USP14: variants seen among roughly 807,000 people sequenced by gnomAD.
The protein encoded by USP14 is ubiquitin carboxyl-terminal hydrolase 14.
In USP14, 38 loss-of-function variants were observed where a neutral mutation model predicts 76.5. The observed-to-expected ratio is 0.50, with a 90% CI of 0.38 to 0.65. The LOEUF (loss-of-function observed/expected upper bound fraction) is 0.65. Ranked by LOEUF, USP14 falls within the 30% of genes least tolerant of loss-of-function variation. The pLI, the probability that USP14 is intolerant of heterozygous loss-of-function variation, is 0.00. For missense variants in USP14, 467 were observed against 586.5 expected, an observed-to-expected ratio of 0.80 and a Z score of 2.10; for synonymous variants, 192 against 191.7, an observed-to-expected ratio of 1.00 and a Z score of -0.01.
intron 15 of USP14, among the ~76,000 whole-genome samples, chr18:210,696 T>G (rs1442665151): frequency 6.6e-6 from 1 of 152,168 alleles, no homozygotes; most frequent in Non-Finnish European, 1.5e-5. Context: ...GAAAGTTAGT[T>G]TTAAAAATGA....
At chr18:195,424 T>A (rs750662148) in intron 6 of USP14, among the ~76,000 whole-genome samples, 3 of 152,136 alleles carry the variant, frequency 2.0e-5, no homozygotes, top group African/African-American at 7.2e-5. Context: ...TAGGTGACAT[T>A]TCACATCTTG....
chr18:192,808 A>C, intron 5 of USP14, 34 bp from the exon 6 acceptor site: 1 of 1,606,476 alleles, frequency 6.2e-7, no homozygotes, highest in Non-Finnish European at 8.5e-7. Flanking sequence ...AATGAATTGA[A>C]TTCTATTGTT....
chr18:162,386 A>T (rs1909145811), intron 1 of USP14, among the ~76,000 whole-genome samples: 1 of 152,236 alleles, frequency 6.6e-6, no homozygotes, highest in African/African-American at 2.4e-5. Context: ...TAAAAAGAAT[A>T]GCCATTCTAA....
chr18:166,963 G>A (rs569642145), intron 3 of USP14, 144 bp downstream of exon 3: 7 of 674,954 alleles, frequency 1.0e-5, no homozygotes, highest in Non-Finnish European at 1.6e-5. Context: ...CCATTGACTT[G>A]TGTTGGGCTC....
intron 2 of USP14, 65 bp from the exon 3 acceptor site, chr18:166,722 G>C: frequency 2.1e-6 from 3 of 1,444,824 alleles, no homozygotes; most frequent in Non-Finnish European, 2.9e-6. Flanking sequence ...AAAATAAATT[G>C]ATTATTAGAT....
At chr18:204,743 G>A in intron 13 of USP14, 51 bp downstream of exon 13, 2 of 1,582,792 alleles carry the variant, frequency 1.3e-6, no homozygotes, top group Non-Finnish European at 1.7e-6. Context: ...TCTCCCATCA[G>A]TGCTCAGCAA....
chr18:185,706 T>C (rs1909910302), intron 5 of USP14, among the ~76,000 whole-genome samples: 1 of 152,050 alleles, frequency 6.6e-6, no homozygotes, highest in South Asian at 2.1e-4. Flanking sequence ...TAAATTATTT[T>C]TTATTTTTTG....
At position 211,484 on chromosome 18, in the gene USP14, C is replaced by T; in HGVS notation, c.*200C>T. On this transcript the variant is annotated 3_prime_UTR_variant, in exon 16 of 16. Transcript: ENST00000261601. ...AGAAAATTATCTTTGGATTGTGCTG[C>T]CCTATATAAAGGTGGCAGAAAGACA... is the stretch of plus-strand genomic sequence containing the variant. 1 of 437,632 alleles carries T rather than the reference C, an allele frequency of 2.3e-6. No individual in the cohort carries two copies. The highest frequency in any genetic ancestry group is 3.5e-5 in the East Asian group (1 of 28,254). 27.1% of individuals were successfully genotyped at this position (437,632 alleles called of 1,614,324 possible).
At chr18:178,081 T>G (rs1396945598) in intron 3 of USP14, among the ~76,000 whole-genome samples, 2 of 152,124 alleles carry the variant, frequency 1.3e-5, no homozygotes, top group Non-Finnish European at 2.9e-5. Flanking sequence ...ATGCAAGTGG[T>G]GTGATCACAG....
chr18:202,664 A>G (rs1211180196), intron 10 of USP14, among the ~76,000 whole-genome samples: 2 of 152,194 alleles, frequency 1.3e-5, no homozygotes, highest in Non-Finnish European at 2.9e-5. Flanking sequence ...AATCCACAAC[A>G]ACGTAAATTA....
intron 5 of USP14, among the ~76,000 whole-genome samples, chr18:189,565 C>T (rs1398892596): frequency 6.6e-6 from 1 of 152,070 alleles, no homozygotes; most frequent in Non-Finnish European, 1.5e-5. Context: ...TCACTGCAGC[C>T]TCCGCCTCCT....
Position 213,966 on chromosome 18 carries a change from A to ATAGC in USP14, c.*2685_*2686insCTAG, listed in dbSNP as rs1555603804. ...ACAAACATTTTCTGTAATGGACAAGATAGATAGATTAGATAGATAGATAGA... is the reference window on the plus strand; with the variant it reads ...ACAAACATTTTCTGTAATGGACAAGATAGCTAGATAGATTAGATAGATAGATAGA... On this transcript the variant is annotated 3_prime_UTR_variant, in exon 16 of 16. Coordinates refer to ENST00000261601, the MANE Select transcript of USP14 (RefSeq NM_005151.4). The ATAGC allele has an allele frequency of 2.1e-5, 3 of 141,390 alleles. No individual in the cohort carries two copies. Among genetic ancestry groups the ATAGC allele is most frequent in the African/African-American group, 5.4e-5 (2 of 37,172 alleles). The allele number at this position is 141,390 out of a possible 1,614,324, so 8.8% of individuals were successfully genotyped here.
Position 171,054 on chromosome 18 carries a change from A to G in USP14, c.195+4235A>G, listed in dbSNP as rs1361519686. ...TATATATATATATATATATATATATATAAACTGAAGCTAGCAGAAGTTGGT... is the reference window on the plus strand; with the variant it reads ...TATATATATATATATATATATATATGTAAACTGAAGCTAGCAGAAGTTGGT... On this transcript the variant is annotated intron_variant, in intron 3 of 15. Transcript: ENST00000261601. Among the ~76,000 whole-genome samples the G allele has an allele frequency of 4.0e-4, 57 of 141,066 alleles. 1 individual carries two copies. The highest frequency in any genetic ancestry group is 1.5e-3 in the African/African-American group (57 of 37,818). 92.5% of individuals were successfully genotyped at this position (141,066 alleles called of 152,430 possible).
intron 5 of USP14, among the ~76,000 whole-genome samples, chr18:184,370 ATTC>A (rs1909870727): frequency 6.6e-6 from 1 of 152,230 alleles, no homozygotes; most frequent in African/African-American, 2.4e-5. Context: ...ACAGAAAAAC[ATTC>A]CACGAGAGGT....
intron 10 of USP14, 40 bp from the exon 11 acceptor site, chr18:202,840 T>A (rs368225233): frequency 4.9e-5 from 78 of 1,607,124 alleles, no homozygotes; most frequent in Non-Finnish European, 6.4e-5. Context: ...AATAAAATTT[T>A]TAAAACTAAT....
chr18:171,803 G>A (rs1909472623), intron 3 of USP14, among the ~76,000 whole-genome samples: 2 of 152,222 alleles, frequency 1.3e-5, no homozygotes, highest in African/African-American at 2.4e-5. Context: ...ACCATTAGGA[G>A]CATTCATGGG....
intron 13 of USP14, among the ~76,000 whole-genome samples, chr18:205,023 C>T (rs991968692): frequency 4.0e-5 from 6 of 151,868 alleles, no homozygotes; most frequent in Admixed American, 1.3e-4. Context: ...CACAGGCGTG[C>T]GCCACCATGC....
intron 2 of USP14, among the ~76,000 whole-genome samples, chr18:164,579 G>C (rs1369076554): frequency 1.3e-5 from 2 of 152,084 alleles, no homozygotes; most frequent in South Asian, 4.2e-4. Context: ...TCAGCCTCCT[G>C]AGTAGCTGGG....
intron 3 of USP14, among the ~76,000 whole-genome samples, chr18:173,832 C>A (rs1200358671): frequency 6.6e-6 from 1 of 152,172 alleles, no homozygotes; most frequent in Non-Finnish European, 1.5e-5. Context: ...CTATTCTTTT[C>A]CATTCTTCCT....
Sources: gnomAD v4.1 joint callset for allele counts (sites outside exome capture counted in the v4.1 genomes callset) on GRCh38, gnomAD v4.1.1 for gene constraint, MANE v1.5 for transcripts, NCBI Gene and HGNC (gene_info 2026-07-23, HGNC 2026-07-21) for gene names.